Variants in ANKMY1 observed in about 807,000 individuals in gnomAD.
ANKMY1 encodes the protein ankyrin repeat and MYND domain containing 1.
In ANKMY1, 98 loss-of-function variants were observed where a neutral mutation model predicts 102.0. The observed-to-expected ratio is 0.96, with a 90% CI of 0.82 to 1.14. The LOEUF (loss-of-function observed/expected upper bound fraction) is 1.14. Ranked by LOEUF, ANKMY1 falls within the 50% of genes most tolerant of loss-of-function variation. The pLI, the probability that ANKMY1 is intolerant of heterozygous loss-of-function variation, is 0.00. For synonymous variants in ANKMY1, 582 were observed against 559.9 expected (o/e 1.04, Z -0.56); for missense variants, 1,330 against 1,347.6 (o/e 0.99, Z 0.20).
chr2:240,479,457 C>G lies in ANKMY1; in HGVS notation c.*152G>C. 1 of 928,852 alleles carries G rather than the reference C, an allele frequency of 1.1e-6. No homozygotes were observed. Among genetic ancestry groups the G allele is most frequent in the Non-Finnish European group, 1.7e-6 (1 of 600,716 alleles). 57.5% of individuals were successfully genotyped at this position (928,852 alleles called of 1,614,324 possible). On this transcript the variant is annotated 3_prime_UTR_variant, in exon 18 of 18. Transcript: ENST00000401804. Reference sequence around the variant, plus strand: ...ATCACCCCGTGGGGCCAATTTATTGCGAGGTCGCAAGGGAGACACTGCTAC... The same window carrying G: ...ATCACCCCGTGGGGCCAATTTATTGGGAGGTCGCAAGGGAGACACTGCTAC...
chr2:240,477,710 T>A (rs1332562297), downstream of ANKMY1, among the ~76,000 whole-genome samples: 1 of 152,222 alleles, frequency 6.6e-6, no homozygotes, highest in Non-Finnish European at 1.5e-5. Context: ...TTGTCTTTGC[T>A]GTCTTCTTTC....
rs2084711216 is a variant in ANKMY1 at position 240,529,326 on chromosome 2, T to C, written c.664A>G (p.Ser222Gly). The change falls in exon 5 of 18, where the codon AGC becomes GGC. Residue 222 changes from serine (S) to glycine (G), a missense_variant. Physicochemically the swap from Ser to Gly is moderately conservative, Grantham distance 56 (BLOSUM62 0). Transcript: ENST00000401804. The surrounding 1 kb of genome is among the most constrained non-coding windows in gnomAD (Gnocchi z 4.2). ...TCCGTTTTCTCCTCTTCTGAGAGGC[T>C]GATCCTGGCAGGGCTGTGGGTGATG... ...SFITHSPARI[S>G]LSEEEKTEWG... 6 of 1,614,088 alleles carry C rather than the reference T, an allele frequency of 3.7e-6. No homozygotes were observed. In the Admixed American group the frequency reaches 6.7e-5, roughly 18 times the overall value.
At chr2:240,557,790 G>C in intron 1 of ANKMY1, 91 bp downstream of exon 1, 1 of 831,302 alleles carries the variant, frequency 1.2e-6, no homozygotes, top group Non-Finnish European at 1.5e-6. Flanking sequence ...GGTGGGGACC[G>C]CGAGCCTGGC....
rs770258009 is a variant in ANKMY1 at position 240,499,941 on chromosome 2, C to T, written c.2806+17G>A. 6 of 1,607,272 alleles carry T rather than the reference C, an allele frequency of 3.7e-6. No individual in the cohort carries two copies. Among genetic ancestry groups the T allele is most frequent in the Non-Finnish European group, 4.3e-6 (5 of 1,176,298 alleles). On this transcript the variant is annotated intron_variant, in intron 15 of 17. Transcript: ENST00000401804. The surrounding 1 kb of genome is among the most constrained non-coding windows in gnomAD (Gnocchi z 4.2). ...CGCCGCCCTGTGGAGCAGAGCAGAGCAGGGCCCACTGCTCACCTCTCTTGC... is the reference window on the plus strand; with the variant it reads ...CGCCGCCCTGTGGAGCAGAGCAGAGTAGGGCCCACTGCTCACCTCTCTTGC...
chr2:240,557,925 C>T lies in ANKMY1; in HGVS notation c.-62G>A, dbSNP rs10170832. ...TCGCGCCGGACAGCAGGGAGACCGA[C>T]GGGACTGCAGCCACCGCGGACGCCC... On this transcript the variant is annotated 5_prime_UTR_variant, in exon 1 of 18. Transcript: ENST00000401804. 2 of 985,524 alleles carry T rather than the reference C, an allele frequency of 2.0e-6. No homozygotes were observed. The highest frequency in any genetic ancestry group is 2.4e-6 in the Non-Finnish European group (2 of 830,114). 61.0% of individuals were successfully genotyped at this position (985,524 alleles called of 1,614,324 possible).
chr2:240,501,768 G>T (rs1035562751), intron 13 of ANKMY1, among the ~76,000 whole-genome samples: 2 of 152,224 alleles, frequency 1.3e-5, no homozygotes, highest in African/African-American at 4.8e-5. Flanking sequence ...AGCCTGGCCT[G>T]AACGGCTGAC....
At chr2:240,557,074 A>T in intron 2 of ANKMY1, 116 bp downstream of exon 2, 1 of 1,161,562 alleles carries the variant, frequency 8.6e-7, no homozygotes, top group Non-Finnish European at 1.1e-6. Flanking sequence ...TCCAGAAACT[A>T]GTTTCTCAGG....
At chr2:240,486,563 G>A (rs2076083773) in intron 15 of ANKMY1, among the ~76,000 whole-genome samples, 1 of 152,124 alleles carries the variant, frequency 6.6e-6, no homozygotes, top group African/African-American at 2.4e-5. Context: ...ATTCTCACAG[G>A]TTTTATCTGG....
At chr2:240,502,596 T>A (rs890172127) in intron 13 of ANKMY1, among the ~76,000 whole-genome samples, 2 of 151,480 alleles carry the variant, frequency 1.3e-5, no homozygotes, top group Non-Finnish European at 2.9e-5. Context: ...CCCCTCCCCA[T>A]CTGCTGACCT....
chr2:240,512,051 C>A, intron 10 of ANKMY1, 50 bp from the exon 11 acceptor site: 2 of 1,483,586 alleles, frequency 1.3e-6, no homozygotes, highest in South Asian at 1.3e-5. Context: ...GCCGTGTGCC[C>A]ACGGGAAGGC....
At chr2:240,554,014 C>G (rs1218739245) in intron 3 of ANKMY1, 1 of 152,270 alleles carries the variant, frequency 6.6e-6, no homozygotes, top group African/African-American at 2.4e-5. Flanking sequence ...CCCGCACAGC[C>G]ATCCATGCTC....
At chr2:240,544,917 C>A (rs1293079121) in intron 4 of ANKMY1, among the ~76,000 whole-genome samples, 1 of 152,162 alleles carries the variant, frequency 6.6e-6, no homozygotes, top group African/African-American at 2.4e-5. Context: ...TGCAAGGCGG[C>A]AGCGAGGCTG....
At chr2:240,523,338 C>T (rs1316804730) in intron 8 of ANKMY1, 1 of 158,792 alleles carries the variant, frequency 6.3e-6, no homozygotes, top group South Asian at 1.9e-4. Context: ...GCCCTGTCTT[C>T]ATACCATCCA....
intron 1 of ANKMY1, among the ~76,000 whole-genome samples, chr2:240,557,599 G>A (rs1051214721): frequency 6.6e-6 from 1 of 152,212 alleles, no homozygotes; most frequent in South Asian, 2.1e-4. Context: ...TCGTGGGCGG[G>A]AATCACAGCA....
intron 7 of ANKMY1, 87 bp from the exon 8 acceptor site, chr2:240,524,468 G>A (rs879218214): frequency 1.7e-5 from 24 of 1,441,554 alleles, no homozygotes; most frequent in South Asian, 9.8e-5. Context: ...ACCAATGCCC[G>A]TGGCCTAGAG....
intron 5 of ANKMY1, chr2:240,526,832 A>G: frequency 8.5e-7 from 1 of 1,182,914 alleles, no homozygotes; most frequent in South Asian, 1.8e-5. Context: ...CAACACCCAC[A>G]TTCCACCCTC....
At chr2:240,535,757 T>TA (rs2086581346) in intron 4 of ANKMY1, among the ~76,000 whole-genome samples, 1 of 152,088 alleles carries the variant, frequency 6.6e-6, no homozygotes, top group African/African-American at 2.4e-5. Context: ...GCAAGATTTT[T>TA]AAAAAATCAG....
At chr2:240,479,275 G>A (rs1033707791), downstream of ANKMY1, 16 of 371,300 alleles carry the variant, frequency 4.3e-5, no homozygotes, top group Non-Finnish European at 7.8e-5. Flanking sequence ...CAGGCTCCGA[G>A]TCCTGACCCT....
In ANKMY1 at chr2:240,520,925, T is replaced by A. The variant is rs2082110102; in HGVS notation, c.1833-392A>T. 6.8e-6 allele frequency among the ~76,000 whole-genome samples: 1 copy of A among 147,726 alleles called. No homozygotes were observed. Among genetic ancestry groups the A allele is most frequent in the African/African-American group, 2.5e-5 (1 of 39,472 alleles). The stretch of plus-strand genomic sequence containing the variant: ...CAGAGCACACAAACCACACTACACA[T>A]ACAGCACACAACCACACAAACCACA... On this transcript the variant is annotated intron_variant, in intron 8 of 17. Transcript: ENST00000401804. The surrounding 1 kb of genome is among the most constrained non-coding windows in gnomAD (Gnocchi z 4.8).
Sources: allele counts gnomAD v4.1 joint callset (sites outside exome capture counted in the v4.1 genomes callset), GRCh38; gene constraint gnomAD v4.1.1; non-coding constraint Gnocchi (gnomAD v3.1); transcripts MANE v1.5; gene names NCBI Gene and HGNC (gene_info 2026-07-23, HGNC 2026-07-21).